Variants in P2RX5 observed in about 807,000 individuals in gnomAD.
P2RX5 encodes the protein P2X purinoceptor 5.
In P2RX5, 46 loss-of-function variants were observed where a neutral mutation model predicts 54.1. The ratio of observed to expected loss-of-function variants is 0.85; its 90% confidence interval spans 0.67 to 1.09. The LOEUF is 1.09. Among genes scored for constraint, P2RX5 ranks in the 50% least tolerant of loss-of-function variants. The pLI, the probability that P2RX5 is intolerant of heterozygous loss-of-function variation, is 0.00. For missense variants in P2RX5, 566 were observed against 549.8 expected (o/e 1.03, Z -0.29); for synonymous variants, 226 against 226.4 (o/e 1.00, Z 0.02).
chr17:3,723,190 G>T, the P2RX5 span: 5 of 865,472 alleles, frequency 5.8e-6, no homozygotes, highest in Non-Finnish European at 7.8e-6. Context: ...ATCTATTTTG[G>T]ACATGGACAT....
chr17:3,707,125 T>C, the P2RX5 span, among the ~76,000 whole-genome samples: 1 of 152,170 alleles, frequency 6.6e-6, no homozygotes, highest in African/African-American at 2.4e-5. Flanking sequence ...TTATAAACTT[T>C]TATTGTTTAA....
chr17:3,680,582 T>C (rs1488950664), intron 10 of P2RX5, among the ~76,000 whole-genome samples: 1 of 135,134 alleles, frequency 7.4e-6, no homozygotes, highest in Admixed American at 7.6e-5. Flanking sequence ...CCACCCGGCT[T>C]CCTCTACCCT....
At chr17:3,714,791 G>T in the P2RX5 span, 1 of 943,998 alleles carries the variant, frequency 1.1e-6, no homozygotes. Context: ...TGCAAAGGAT[G>T]CTGGGTCTCC....
At chr17:3,707,776 C>G in the P2RX5 span, among the ~76,000 whole-genome samples, 3 of 151,788 alleles carry the variant, frequency 2.0e-5, no homozygotes, top group African/African-American at 4.8e-5. Context: ...CCAGGAATCT[C>G]GGCCAGACGC....
chr17:3,712,702 T>C, the P2RX5 span, among the ~76,000 whole-genome samples: 1 of 152,200 alleles, frequency 6.6e-6, no homozygotes, highest in Non-Finnish European at 1.5e-5. Flanking sequence ...ATCCCAGCAC[T>C]TTGTGAGCCT....
the P2RX5 span, among the ~76,000 whole-genome samples, chr17:3,710,201 C>T: frequency 1.3e-5 from 2 of 151,842 alleles, no homozygotes; most frequent in Non-Finnish European, 2.9e-5. Context: ...CCGAGGTGAG[C>T]GGATCACTTG....
chr17:3,678,171 G>C (rs1351429846), intron 11 of P2RX5: 1 of 931,600 alleles, frequency 1.1e-6, no homozygotes, highest in Non-Finnish European at 1.3e-6. Flanking sequence ...ACAGGGCAGA[G>C]AGGACTGTCG....
intron 11 of P2RX5, chr17:3,677,336 C>T (rs1483532251): frequency 7.2e-6 from 7 of 973,202 alleles, no homozygotes; most frequent in Admixed American, 1.4e-4. Flanking sequence ...CCATATTCCC[C>T]GGGCGTCCCG....
At chr17:3,676,404 C>T (rs1335006924) in intron 11 of P2RX5, 46 of 984,998 alleles carry the variant, frequency 4.7e-5, no homozygotes, top group Non-Finnish European at 5.5e-5. Context: ...CTGGCTGCCT[C>T]TGGGGAACCG....
At chr17:3,680,157 CGG>C (rs2050212530) in intron 10 of P2RX5, among the ~76,000 whole-genome samples, 5 of 120,168 alleles carry the variant, frequency 4.2e-5, no homozygotes, top group Non-Finnish European at 8.9e-5. Context: ...GTCCTCCATC[CGG>C]TGTCCTCCAC....
chr17:3,678,218 A>C (rs1296493030), intron 11 of P2RX5: 10 of 406,314 alleles, frequency 2.5e-5, no homozygotes, highest in Non-Finnish European at 3.3e-5. Context: ...CAGAGGCAGC[A>C]ACGCTCCTGG....
the P2RX5 span, among the ~76,000 whole-genome samples, chr17:3,706,798 G>A: frequency 1.1e-4 from 17 of 152,292 alleles, no homozygotes; most frequent in African/African-American, 3.8e-4. Flanking sequence ...TCTTAGTGGA[G>A]ACGGGTTTTC....
the P2RX5 span, among the ~76,000 whole-genome samples, chr17:3,707,651 C>T: frequency 6.6e-6 from 1 of 151,974 alleles, no homozygotes; most frequent in South Asian, 2.1e-4. Flanking sequence ...TAGTCCAGAC[C>T]CCCCTCTCGG....
At chr17:3,719,849 T>C in the P2RX5 span, among the ~76,000 whole-genome samples, 1 of 152,014 alleles carries the variant, frequency 6.6e-6, no homozygotes, top group African/African-American at 2.4e-5. Context: ...TGCCTCAGCC[T>C]CCCAAGTAGG....
intron 1 of P2RX5, among the ~76,000 whole-genome samples, chr17:3,692,204 C>T (rs1239289144): frequency 6.6e-6 from 1 of 151,392 alleles, no homozygotes; most frequent in African/African-American, 2.4e-5. Flanking sequence ...GTAGTCCCAG[C>T]TACTCAGGAG....
chr17:3,691,830 C>T (rs1167630201), intron 1 of P2RX5, 36 bp from the exon 2 acceptor site: 4 of 1,613,158 alleles, frequency 2.5e-6, no homozygotes. Context: ...GCATCAGCCA[C>T]TCTGCTGGCT....
chr17:3,679,041 G>A (rs576487145), intron 11 of P2RX5, among the ~76,000 whole-genome samples: 4 of 152,316 alleles, frequency 2.6e-5, no homozygotes, highest in South Asian at 2.1e-4. Flanking sequence ...CCCCAGAATC[G>A]CACACAGAAG....
chr17:3,710,903 G>A, the P2RX5 span, among the ~76,000 whole-genome samples: 1 of 152,188 alleles, frequency 6.6e-6, no homozygotes, highest in Non-Finnish European at 1.5e-5. Flanking sequence ...ACTCCAGCAT[G>A]AACGAGAGCG....
At chr17:3,674,063 G>C (rs1597686310) in intron 11 of P2RX5, among the ~76,000 whole-genome samples, 186 bp from the exon 12 acceptor site, 2 of 152,172 alleles carry the variant, frequency 1.3e-5, no homozygotes, top group East Asian at 3.9e-4. Context: ...GCCTGTAATC[G>C]CAGCACTTTG....
Sources: allele counts gnomAD v4.1 joint callset (sites outside exome capture counted in the v4.1 genomes callset), GRCh38; gene constraint gnomAD v4.1.1; transcripts MANE v1.5; gene names NCBI Gene and HGNC (gene_info 2026-07-23, HGNC 2026-07-21).